Variants in YKT6 observed in about 807,000 individuals in gnomAD.
YKT6 encodes YKT6 vesicular SNARE protein.
A neutral mutation model predicts 29.3 loss-of-function variants in YKT6; 12 were observed. The ratio of observed to expected loss-of-function variants is 0.41; its 90% CI spans 0.26 to 0.66. YKT6 has a LOEUF of 0.66. Among genes scored for constraint, YKT6 ranks in the 30% least tolerant of loss-of-function variants. The pLI, the probability that YKT6 is intolerant of heterozygous loss-of-function variation, is 0.32. For missense variants in YKT6, 188 were observed against 243.8 expected (o/e 0.77, Z 1.52); for synonymous variants, 86 against 94.3 (o/e 0.91, Z 0.51).
intron 4 of YKT6, among the ~76,000 whole-genome samples, chr7:44,207,836 C>T (rs1431677356): frequency 6.6e-6 from 1 of 152,162 alleles, no homozygotes; most frequent in African/African-American, 2.4e-5. Context: ...AGCGATTCTC[C>T]TGCCTCAGCC....
chr7:44,210,587 G>A (rs551917081), intron 5 of YKT6: 152 of 293,670 alleles, frequency 5.2e-4, no homozygotes, highest in African/African-American at 2.9e-3. Context: ...TTGGGGTTGG[G>A]GGGTGCGGTG....
chr7:44,210,982 C>T (rs544669595), intron 5 of YKT6, 41 bp from the exon 6 acceptor site: 35 of 1,601,828 alleles, frequency 2.2e-5, no homozygotes, highest in South Asian at 2.1e-4. Context: ...TGTCAGGGCA[C>T]GTACTGAACA....
chr7:44,201,026 G>T lies in YKT6; in HGVS notation c.-110G>T. 7.7e-6 allele frequency: 6 copies of T among 775,720 alleles called. No homozygotes were observed. The highest frequency in any genetic ancestry group is 1.1e-5 in the Non-Finnish European group (6 of 527,574). The allele number at this position is 775,720 out of a possible 1,614,324, so 48.1% of individuals were successfully genotyped here. ...GCCGGCGGTGGCCCCGTCAGCAGCC[G>T]GCTGCTGAGAGGCCGGTAGGCGGCG... On this transcript the variant is annotated 5_prime_UTR_variant, in exon 1 of 7. Coordinates refer to ENST00000223369, the MANE Select transcript of YKT6 (RefSeq NM_006555.4).
chr7:44,210,219 T>G (rs2096345182), intron 5 of YKT6, among the ~76,000 whole-genome samples: 1 of 152,330 alleles, frequency 6.6e-6, no homozygotes, highest in Admixed American at 6.5e-5. Context: ...GCCTTTTGTT[T>G]CCTGTGGCTG....
intron 3 of YKT6, among the ~76,000 whole-genome samples, chr7:44,207,008 G>A (rs2096341586): frequency 6.6e-6 from 1 of 152,174 alleles, no homozygotes; most frequent in African/African-American, 2.4e-5. Context: ...ATGGAATCTG[G>A]TGGTTTCTTA....
rs1325765338 is a variant in YKT6, at chr7:44,213,565, C to G, written c.*1283C>G. 6.6e-6 allele frequency: 1 copy of G among 152,352 alleles called. No homozygotes were observed. The highest frequency in any genetic ancestry group is 2.4e-5 in the African/African-American group (1 of 41,450). 9.4% of individuals were successfully genotyped at this position (152,352 alleles called of 1,614,324 possible). ...TTATGTTCCAGTCTGCCCACCTGTG[C>G]TCAGGATGCAGCCCTGGGATCCAGC... is the stretch of plus-strand genomic sequence containing the variant. On this transcript the variant is annotated 3_prime_UTR_variant, in exon 7 of 7. Coordinates refer to ENST00000223369, the MANE Select transcript of YKT6 (RefSeq NM_006555.4).
chr7:44,207,554 A>G, intron 4 of YKT6, 62 bp downstream of exon 4: 3 of 1,441,416 alleles, frequency 2.1e-6, no homozygotes, highest in Non-Finnish European at 2.9e-6. Context: ...AAACTGAAAA[A>G]GCCAACTGCC....
At chr7:44,207,515 C>G in intron 4 of YKT6, 23 bp downstream of exon 4, 1 of 1,605,244 alleles carries the variant, frequency 6.2e-7, no homozygotes, top group Non-Finnish European at 8.5e-7. Context: ...GAAGCTTCAG[C>G]AGACACCATG....
chr7:44,209,236 G>A (rs1305990159), intron 5 of YKT6, among the ~76,000 whole-genome samples: 1 of 152,168 alleles, frequency 6.6e-6, no homozygotes. Context: ...AGCGTCTCCT[G>A]GGGTTGGAGT....
chr7:44,211,099 C>T lies in YKT6; in HGVS notation c.536C>T (p.Thr179Ile). 1.9e-6 allele frequency: 3 copies of T among 1,613,994 alleles called. No individual in the cohort carries two copies. The highest frequency in any genetic ancestry group is 2.5e-6 in the Non-Finnish European group (3 of 1,180,022). Residue 179 changes from threonine to isoleucine, a missense_variant, in exon 6 of 7, where the codon ACA becomes ATA. Physicochemically the swap from Thr to Ile is moderately conservative, Grantham distance 89 (BLOSUM62 -1). This residue lies in a region of YKT6 where 17 missense variants were observed against 40.1 expected (regional missense o/e 0.42). Transcript: ENST00000223369. Reference protein sequence around the residue: ...DLVSKSEVLGTQSKAFYKTAR... With the variant: ...DLVSKSEVLGIQSKAFYKTAR... ...GTGTCCAAATCCGAGGTGCTGGGAA[C>T]ACAGTCTAAAGCCTTCTATAAAACT...
At chr7:44,210,410 T>A (rs1001666769) in intron 5 of YKT6, among the ~76,000 whole-genome samples, 3 of 152,232 alleles carry the variant, frequency 2.0e-5, no homozygotes, top group Non-Finnish European at 4.4e-5. Flanking sequence ...TGCCGTCACG[T>A]GACCTTCTGT....
At chr7:44,207,619 C>T (rs2096342100) in intron 4 of YKT6, 127 bp downstream of exon 4, 3 of 772,038 alleles carry the variant, frequency 3.9e-6, no homozygotes, top group Admixed American at 5.1e-5. Context: ...TGTCCTCTCT[C>T]AAGCCTTACT....
intron 1 of YKT6, among the ~76,000 whole-genome samples, chr7:44,203,036 C>T (rs1322153761): frequency 6.6e-6 from 1 of 152,182 alleles, no homozygotes. Context: ...AGCTGCAACA[C>T]TAAAGGGACA....
chr7:44,208,527 C>G (rs1467963195), intron 5 of YKT6: 1 of 324,184 alleles, frequency 3.1e-6, no homozygotes, highest in Non-Finnish European at 6.0e-6. Context: ...CACCCTGGTG[C>G]CTTTGTTAGG....
intron 5 of YKT6, 161 bp from the exon 6 acceptor site, chr7:44,210,862 A>T (rs1411241617): frequency 1.4e-6 from 1 of 697,956 alleles, no homozygotes; most frequent in Non-Finnish European, 2.6e-6. Flanking sequence ...ATCCACTTGG[A>T]CAGTAACTAT....
intron 2 of YKT6, among the ~76,000 whole-genome samples, chr7:44,205,458 G>A (rs1427048460): frequency 6.6e-6 from 1 of 152,168 alleles, no homozygotes; most frequent in African/African-American, 2.4e-5. Flanking sequence ...AATCTGGAGA[G>A]CATTGGTGAC....
At chr7:44,206,779 C>T (rs2096341341) in intron 3 of YKT6, among the ~76,000 whole-genome samples, 1 of 152,166 alleles carries the variant, frequency 6.6e-6, no homozygotes, top group African/African-American at 2.4e-5. Context: ...GCCCCCTGTG[C>T]TTCTGCTCAA....
intron 2 of YKT6, 83 bp from the exon 3 acceptor site, chr7:44,206,302 T>G: frequency 7.0e-7 from 1 of 1,423,056 alleles, no homozygotes; most frequent in South Asian, 1.2e-5. Flanking sequence ...TGGCCTAACA[T>G]TGGATGCTTT....
In YKT6 at chr7:44,201,204, C is replaced by A. The variant is rs374169220; in HGVS notation, c.69C>A (p.Tyr23Ter). 1 of 1,612,944 alleles carries A rather than the reference C, an allele frequency of 6.2e-7. No homozygotes were observed. The highest frequency in any genetic ancestry group is 8.5e-7 in the Non-Finnish European group (1 of 1,179,472). Reference protein sequence around the residue: ...EAKVVLLKAAYDVSSFSFFQR... With the variant: ...EAKVVLLKAA ...AGGTGGTGCTGCTCAAAGCCGCATACGATGTGTCTTCCTTCAGCTTTTTCC... is the reference window on the plus strand; with the variant it reads ...AGGTGGTGCTGCTCAAAGCCGCATAAGATGTGTCTTCCTTCAGCTTTTTCC... Residue 23 changes from tyrosine to a stop codon, truncating the protein, a stop_gained, in exon 1 of 7, where the codon TAC becomes TAA. Coordinates refer to ENST00000223369, the MANE Select transcript of YKT6 (RefSeq NM_006555.4). LOFTEE classifies it high-confidence loss of function.
Sources: allele counts gnomAD v4.1 joint callset (sites outside exome capture counted in the v4.1 genomes callset), GRCh38; gene constraint gnomAD v4.1.1; regional missense constraint gnomAD v4.1.1; transcripts MANE v1.5; gene names NCBI Gene and HGNC (gene_info 2026-07-23, HGNC 2026-07-21).